The following LIPH variants were observed in gnomAD, a reference collection of about 807,000 sequenced individuals.
LIPH encodes the protein lipase member H.
In LIPH, 32 loss-of-function variants were observed where a neutral mutation model predicts 47.6. The observed-to-expected ratio is 0.67, with a 90% CI of 0.51 to 0.90. The LOEUF is 0.90. Among genes scored for constraint, LIPH ranks in the 40% least tolerant of loss-of-function variants. The pLI, the probability that LIPH is intolerant of heterozygous loss-of-function variation, is 0.00. For synonymous variants in LIPH, 190 were observed against 195.6 expected, an observed-to-expected ratio of 0.97 and a Z score of 0.24; for missense variants, 497 against 541.4, an observed-to-expected ratio of 0.92 and a Z score of 0.81.
intron 1 of LIPH, among the ~76,000 whole-genome samples, chr3:185,547,782 G>A (rs961534327): frequency 2.0e-5 from 3 of 149,056 alleles, no homozygotes; most frequent in South Asian, 2.1e-4. Context: ...CCGAGATCGC[G>A]CCACTGCACT....
At chr3:185,549,207 C>T (rs1720980161) in intron 1 of LIPH, among the ~76,000 whole-genome samples, 1 of 152,148 alleles carries the variant, frequency 6.6e-6, no homozygotes, top group Non-Finnish European at 1.5e-5. Context: ...GGCAGGATGC[C>T]CTCTTGATTG....
At chr3:185,511,401 A>G (rs746982526) in intron 9 of LIPH, 123 bp downstream of exon 9, 75 of 929,270 alleles carry the variant, frequency 8.1e-5, no homozygotes, top group Non-Finnish European at 1.2e-4. Context: ...ATTTTTGGAA[A>G]ACCCATCATG....
intron 5 of LIPH, among the ~76,000 whole-genome samples, chr3:185,522,644 G>GAAA (rs1560160787): frequency 2.6e-4 from 28 of 106,586 alleles, no homozygotes; most frequent in African/African-American, 9.9e-4. Context: ...AAGAAAGAGA[G>GAAA]AAAGAAAAAG....
At chr3:185,532,439 G>A (rs566096398) in intron 3 of LIPH, among the ~76,000 whole-genome samples, 7 of 151,888 alleles carry the variant, frequency 4.6e-5, no homozygotes, top group Non-Finnish European at 1.0e-4. Context: ...GTGCCTGGGG[G>A]GGCGTTGAGG....
intron 1 of LIPH, among the ~76,000 whole-genome samples, chr3:185,544,150 G>A (rs1033504248): frequency 2.0e-5 from 3 of 151,830 alleles, no homozygotes; most frequent in Non-Finnish European, 2.9e-5. Context: ...CATGCCTGGC[G>A]CTCTTGCTGT....
At chr3:185,552,111 A>C (rs1402162773) in intron 1 of LIPH, among the ~76,000 whole-genome samples, 1 of 152,118 alleles carries the variant, frequency 6.6e-6, no homozygotes, top group East Asian at 1.9e-4. Context: ...GCTAAGAAAG[A>C]AAATAAGACT....
At chr3:185,515,774 G>A (rs1011675362) in intron 7 of LIPH, among the ~76,000 whole-genome samples, 3 of 152,080 alleles carry the variant, frequency 2.0e-5, no homozygotes, top group Admixed American at 6.6e-5. Context: ...CAAGTGATCC[G>A]CCCGCCTTGG....
chr3:185,550,093 G>C (rs902771253), intron 1 of LIPH, among the ~76,000 whole-genome samples: 2 of 151,974 alleles, frequency 1.3e-5, no homozygotes, highest in Non-Finnish European at 2.9e-5. Flanking sequence ...TGTATCCTTG[G>C]GATTTCTGAA....
intron 8 of LIPH, 122 bp from the exon 9 acceptor site, chr3:185,511,819 C>CTT (rs78253030): frequency 0.012 from 6,286 of 537,744 alleles, 39 homozygotes; most frequent in African/African-American, 0.039. Context: ...CACCAGCTGA[C>CTT]TTTTTTTTTT....
intron 1 of LIPH, among the ~76,000 whole-genome samples, chr3:185,551,273 C>T (rs942478130): frequency 6.6e-6 from 1 of 152,148 alleles, no homozygotes; most frequent in Non-Finnish European, 1.5e-5. Context: ...AGAAAATCAA[C>T]TTCAAAACCA....
chr3:185,549,755 C>A (rs1322845383), intron 1 of LIPH, among the ~76,000 whole-genome samples: 1 of 152,110 alleles, frequency 6.6e-6, no homozygotes, highest in East Asian at 1.9e-4. Flanking sequence ...TACTCAGAGG[C>A]ACAGTCATAG....
intron 1 of LIPH, among the ~76,000 whole-genome samples, chr3:185,542,152 G>A (rs1720734976): frequency 6.6e-6 from 1 of 152,060 alleles, no homozygotes; most frequent in Admixed American, 6.6e-5. Context: ...GTAGAGTGGC[G>A]AAAAATTTGT....
intron 6 of LIPH, among the ~76,000 whole-genome samples, chr3:185,518,450 T>C (rs538263250): frequency 3.3e-5 from 5 of 152,182 alleles, no homozygotes; most frequent in Admixed American, 3.3e-4. Context: ...CAGCTAATTT[T>C]TTTGTATTTT....
At chr3:185,546,322 T>C (rs1341178606) in intron 1 of LIPH, among the ~76,000 whole-genome samples, 1 of 144,872 alleles carries the variant, frequency 6.9e-6, no homozygotes. Context: ...ACTGCACTCT[T>C]AGCCTGGACG....
intron 4 of LIPH, 121 bp downstream of exon 4, chr3:185,527,363 G>C (rs1720140019): frequency 1.2e-6 from 1 of 803,402 alleles, no homozygotes; most frequent in South Asian, 1.4e-5. Context: ...TTGGAACCCT[G>C]CCTGGAAAAA....
intron 5 of LIPH, among the ~76,000 whole-genome samples, chr3:185,520,094 T>C (rs993254750): frequency 1.3e-5 from 2 of 152,168 alleles, no homozygotes; most frequent in Non-Finnish European, 2.9e-5. Flanking sequence ...TGGTCTAACA[T>C]TGCAGGGCTA....
intron 1 of LIPH, among the ~76,000 whole-genome samples, chr3:185,536,097 G>A (rs1265623637): frequency 6.6e-6 from 1 of 152,052 alleles, no homozygotes; most frequent in Non-Finnish European, 1.5e-5. Context: ...CCTTGTTGAC[G>A]ACACAATGAA....
chr3:185,524,944 A>G (rs1198697532), intron 4 of LIPH, among the ~76,000 whole-genome samples: 2 of 152,194 alleles, frequency 1.3e-5, no homozygotes, highest in Non-Finnish European at 2.9e-5. Context: ...CTAGAAATGT[A>G]TATATAGGTC....
intron 1 of LIPH, among the ~76,000 whole-genome samples, chr3:185,536,405 C>T (rs1434052968): frequency 1.3e-5 from 2 of 152,104 alleles, no homozygotes; most frequent in South Asian, 2.1e-4. Context: ...GACAAGAGTG[C>T]CCTGGGAAAC....
Sources: allele counts gnomAD v4.1 joint callset (sites outside exome capture counted in the v4.1 genomes callset), GRCh38; gene constraint gnomAD v4.1.1; transcripts MANE v1.5; gene names NCBI Gene and HGNC (gene_info 2026-07-23, HGNC 2026-07-21).